Variants in ADAM18 observed in about 807,000 individuals in gnomAD.
ADAM18 encodes disintegrin and metalloproteinase domain-containing protein 18.
In ADAM18, 117 loss-of-function variants were observed where a neutral mutation model predicts 94.4. That is an observed-to-expected ratio of 1.24 (90% CI 1.07 to 1.45). ADAM18 has a LOEUF of 1.45. Among genes scored for constraint, ADAM18 ranks in the 40% most tolerant of loss-of-function variants. ADAM18 has a pLI of 0.00. For missense variants in ADAM18, 936 were observed against 880.0 expected (o/e 1.06, Z -0.81); for synonymous variants, 327 against 291.6 (o/e 1.12, Z -1.24).
chr8:39,729,337 A>T (rs1467315029), intron 19 of ADAM18, among the ~76,000 whole-genome samples: 1 of 152,222 alleles, frequency 6.6e-6, no homozygotes, highest in Non-Finnish European at 1.5e-5. Context: ...TGTGTATTTT[A>T]CTACACAAAG....
chr8:39,664,328 A>G (rs1303221602), intron 13 of ADAM18, among the ~76,000 whole-genome samples: 1 of 152,236 alleles, frequency 6.6e-6, no homozygotes, highest in African/African-American at 2.4e-5. Flanking sequence ...ATTAGGTAAT[A>G]TAAGTAATAC....
chr8:39,653,232 A>G (rs1038506192), intron 12 of ADAM18, among the ~76,000 whole-genome samples: 1 of 152,212 alleles, frequency 6.6e-6, no homozygotes. Flanking sequence ...TTTAGAATGT[A>G]TACATGTATC....
At chr8:39,692,414 T>C (rs918396157) in intron 16 of ADAM18, among the ~76,000 whole-genome samples, 186 bp from the exon 17 acceptor site, 1 of 151,712 alleles carries the variant, frequency 6.6e-6, no homozygotes, top group African/African-American at 2.4e-5. Flanking sequence ...TACTTTGTTG[T>C]TTAGATTTTT....
chr8:39,686,760 T>C (rs1273149158), intron 16 of ADAM18, among the ~76,000 whole-genome samples: 2 of 152,246 alleles, frequency 1.3e-5, no homozygotes, highest in Non-Finnish European at 2.9e-5. Context: ...TTTTTATTCA[T>C]TATTTGCTTT....
chr8:39,626,401 T>C (rs1299554484), intron 6 of ADAM18, among the ~76,000 whole-genome samples: 1 of 152,060 alleles, frequency 6.6e-6, no homozygotes, highest in Non-Finnish European at 1.5e-5. Flanking sequence ...TTCAATTTCA[T>C]TTAAACCTGC....
intron 12 of ADAM18, among the ~76,000 whole-genome samples, chr8:39,660,888 T>C (rs376357811): frequency 9.8e-5 from 15 of 152,306 alleles, no homozygotes; most frequent in African/African-American, 3.4e-4. Context: ...AGCCCTGAAG[T>C]TGCCATCTTT....
Position 39,697,103 on chromosome 8 carries a change from G to A in ADAM18, c.1902+4423G>A, listed in dbSNP as rs1031755271. On this transcript the variant is annotated intron_variant, in intron 17 of 19. Transcript: ENST00000265707. ...TTGGTTTTAAGTTTGTTCTTAAGTA[G>A]TATTCTATTCTTTCTAATAATATTG... Among the ~76,000 whole-genome samples the A allele has an allele frequency of 1.4e-4, 21 of 151,454 alleles. 1 individual carries two copies. Among genetic ancestry groups the A allele is most frequent in the Admixed American group, 1.3e-3 (19 of 15,180 alleles).
chr8:39,601,330 A>G (rs1211909608), intron 2 of ADAM18, among the ~76,000 whole-genome samples: 1 of 152,206 alleles, frequency 6.6e-6, no homozygotes, highest in Non-Finnish European at 1.5e-5. Flanking sequence ...CTTTGCTCTC[A>G]GTGAAGTGTT....
chr8:39,609,284 G>A (rs1418894305), intron 4 of ADAM18, among the ~76,000 whole-genome samples, 164 bp downstream of exon 4: 4 of 152,056 alleles, frequency 2.6e-5, no homozygotes, highest in African/African-American at 4.8e-5. Flanking sequence ...AGCTGCAAGC[G>A]AATACTCACA....
At chr8:39,621,334 C>T (rs1490242172) in intron 6 of ADAM18, among the ~76,000 whole-genome samples, 2 of 150,576 alleles carry the variant, frequency 1.3e-5, no homozygotes, top group African/African-American at 2.4e-5. Context: ...CACACACACA[C>T]ACACACACAC....
intron 16 of ADAM18, among the ~76,000 whole-genome samples, chr8:39,687,400 T>A (rs1278333354): frequency 6.6e-6 from 1 of 152,204 alleles, no homozygotes; most frequent in East Asian, 1.9e-4. Flanking sequence ...AGTTCATCAA[T>A]TGATTATTAA....
chr8:39,636,738 T>A (rs1004850612), intron 7 of ADAM18, among the ~76,000 whole-genome samples: 5 of 151,926 alleles, frequency 3.3e-5, no homozygotes, highest in African/African-American at 1.2e-4. Context: ...TTACTTATTC[T>A]ACATAACCCA....
At position 39,638,566 on chromosome 8, in the gene ADAM18, C is replaced by T. The variant is rs752016417; in HGVS notation, c.909+20C>T. The stretch of plus-strand genomic sequence containing the variant: ...GCTATGGTATGTAATTTTTATTCTT[C>T]TTTACATCACTATTTTTAGGCCTTA... On this transcript the variant is annotated intron_variant, in intron 10 of 19. Coordinates refer to ENST00000265707, the MANE Select transcript of ADAM18 (RefSeq NM_014237.3). The T allele has an allele frequency of 2.8e-6, 4 of 1,416,500 alleles. No homozygotes were observed. In the South Asian group the frequency reaches 4.5e-5, roughly 16 times the overall value. The allele number at this position is 1,416,500 out of a possible 1,614,324, so 87.7% of individuals were successfully genotyped here.
intron 6 of ADAM18, among the ~76,000 whole-genome samples, chr8:39,613,011 A>G (rs1274345132): frequency 6.6e-6 from 1 of 151,996 alleles, no homozygotes; most frequent in Non-Finnish European, 1.5e-5. Flanking sequence ...CCATAGAGCT[A>G]CCACCGCTAG....
chr8:39,639,912 C>T (rs1820189561), intron 10 of ADAM18, among the ~76,000 whole-genome samples: 1 of 152,004 alleles, frequency 6.6e-6, no homozygotes, highest in Non-Finnish European at 1.5e-5. Flanking sequence ...GTGTATCCCT[C>T]TTTCATATTT....
At chr8:39,659,032 G>C (rs1169008565) in intron 12 of ADAM18, among the ~76,000 whole-genome samples, 1 of 152,110 alleles carries the variant, frequency 6.6e-6, no homozygotes, top group Non-Finnish European at 1.5e-5. Flanking sequence ...TTGATCTCTT[G>C]CTAGAAAACA....
rs577489796 is a variant in ADAM18, at chr8:39,637,482, C to T, written c.661-55C>T. The T allele has an allele frequency of 3.4e-6, 5 of 1,456,006 alleles. No homozygotes were observed. The Admixed American group carries it at 6.4e-5, about 19-fold the overall frequency. The allele number at this position is 1,456,006 out of a possible 1,614,324, so 90.2% of individuals were successfully genotyped here. On this transcript the variant is annotated intron_variant, in intron 8 of 19. Transcript: ENST00000265707. ...ACATGTTGTTTATTTTTTAATGTAC[C>T]TTTTAAATGTAATAACTTGTTTCTT...
chr8:39,694,892 A>G (rs759612487), intron 17 of ADAM18, among the ~76,000 whole-genome samples: 1 of 151,538 alleles, frequency 6.6e-6, no homozygotes, highest in Non-Finnish European at 1.5e-5. Context: ...ATATGTTTCC[A>G]TTATTACAGT....
chr8:39,627,185 A>G (rs1456821247), intron 6 of ADAM18, among the ~76,000 whole-genome samples: 1 of 152,140 alleles, frequency 6.6e-6, no homozygotes, highest in Admixed American at 6.5e-5. Context: ...GAGACTGGGT[A>G]ATTTGTAAAG....
Sources: gnomAD v4.1 joint callset for allele counts (sites outside exome capture counted in the v4.1 genomes callset) on GRCh38, gnomAD v4.1.1 for gene constraint, MANE v1.5 for transcripts, NCBI Gene and HGNC (gene_info 2026-07-23, HGNC 2026-07-21) for gene names.